The following TFCP2 variants were observed in gnomAD, a reference collection of about 807,000 sequenced individuals.
TFCP2 encodes the protein alpha-globin transcription factor CP2.
A neutral mutation model predicts 73.4 loss-of-function variants in TFCP2; 33 were observed. That is an observed-to-expected ratio of 0.45 (90% CI 0.34 to 0.60). The LOEUF is 0.60. TFCP2 is among the 20% of genes least tolerant of loss of function. The pLI is 0.01. For synonymous variants in TFCP2, 193 were observed against 211.6 expected (o/e 0.91, Z 0.76); for missense variants, 352 against 604.0 (o/e 0.58, Z 4.37).
rs1482070462 is a variant in TFCP2, at chr12:51,094,065, G to A, written c.*1176C>T. 6.6e-6 allele frequency: 1 copy of A among 152,076 alleles called. No homozygotes were observed. The highest frequency in any genetic ancestry group is 2.4e-5 in the African/African-American group (1 of 41,414). The allele number at this position is 152,076 out of a possible 1,614,324, so 9.4% of individuals were successfully genotyped here. On this transcript the variant is annotated 3_prime_UTR_variant, in exon 15 of 15. Coordinates refer to ENST00000257915, the MANE Select transcript of TFCP2 (RefSeq NM_005653.5). ...GTAAGAGTGTGAACAGGAAGGGAAT[G>A]CATCTTTTTTTGTAAAGCTTCTATT...
Position 51,095,175 on chromosome 12 carries a change from C to T in TFCP2, c.*66G>A. 1 of 1,536,180 alleles carries T rather than the reference C, an allele frequency of 6.5e-7. No homozygotes were observed. Among genetic ancestry groups the T allele is most frequent in the South Asian group, 1.1e-5 (1 of 89,596 alleles). ...GACCTTCAAATCTCCATTCATATCC[C>T]CCTTCAAGAGGGCCGTTTTCAGAGG... On this transcript the variant is annotated 3_prime_UTR_variant, in exon 15 of 15. Coordinates refer to ENST00000257915, the MANE Select transcript of TFCP2 (RefSeq NM_005653.5).
intron 1 of TFCP2, among the ~76,000 whole-genome samples, chr12:51,167,107 T>C (rs1026535840): frequency 6.6e-6 from 1 of 152,206 alleles, no homozygotes; most frequent in African/African-American, 2.4e-5. Flanking sequence ...CCTTCACTTA[T>C]CATGTATTCA....
intron 1 of TFCP2, among the ~76,000 whole-genome samples, chr12:51,128,602 G>A (rs747179103): frequency 1.3e-5 from 2 of 152,012 alleles, no homozygotes; most frequent in African/African-American, 4.8e-5. Context: ...TATAGTATCT[G>A]GATTTCAGCA....
intron 4 of TFCP2, among the ~76,000 whole-genome samples, chr12:51,112,536 A>C (rs1357987873): frequency 4.6e-5 from 7 of 152,228 alleles, no homozygotes; most frequent in Non-Finnish European, 1.0e-4. Flanking sequence ...GGTAGAAAGC[A>C]TTATATCATG....
At chr12:51,127,942 C>T (rs1007448626) in intron 1 of TFCP2, among the ~76,000 whole-genome samples, 11 of 145,144 alleles carry the variant, frequency 7.6e-5, no homozygotes, top group Admixed American at 1.4e-4. Context: ...TTTTTTGAGA[C>T]GGAGTTTCAC....
chr12:51,159,949 ATT>A (rs1322542409), intron 1 of TFCP2, among the ~76,000 whole-genome samples: 3 of 152,086 alleles, frequency 2.0e-5, no homozygotes. Context: ...ATTAACCAAA[ATT>A]TACCATCCAG....
intron 1 of TFCP2, among the ~76,000 whole-genome samples, chr12:51,135,434 C>CA (rs201840147): frequency 0.07 from 2,157 of 30,662 alleles, 50 homozygotes; most frequent in African/African-American, 0.11. Flanking sequence ...CACACACACA[C>CA]ACAAAAAAAA....
chr12:51,155,513 G>A (rs1941518694), intron 1 of TFCP2, among the ~76,000 whole-genome samples: 2 of 152,226 alleles, frequency 1.3e-5, no homozygotes, highest in Admixed American at 6.5e-5. Flanking sequence ...ACAGTGTACA[G>A]TGGTTCCAAT....
At chr12:51,165,267 C>A (rs1941732899) in intron 1 of TFCP2, among the ~76,000 whole-genome samples, 1 of 152,006 alleles carries the variant, frequency 6.6e-6, no homozygotes, top group South Asian at 2.1e-4. Context: ...AAGAAAATAA[C>A]AGCAAACTGC....
intron 1 of TFCP2, among the ~76,000 whole-genome samples, chr12:51,151,237 A>C (rs928455457): frequency 1.3e-5 from 2 of 152,208 alleles, no homozygotes; most frequent in South Asian, 4.1e-4. Context: ...AGCAGACCAT[A>C]TGGATCCTTG....
At chr12:51,142,736 G>A (rs565866218) in intron 1 of TFCP2, among the ~76,000 whole-genome samples, 1 of 152,082 alleles carries the variant, frequency 6.6e-6, no homozygotes, top group Non-Finnish European at 1.5e-5. Flanking sequence ...TTCAACTACT[G>A]CTATACTTCT....
chr12:51,148,435 G>A (rs1307236767), intron 1 of TFCP2, among the ~76,000 whole-genome samples: 1 of 152,220 alleles, frequency 6.6e-6, no homozygotes, highest in East Asian at 1.9e-4. Flanking sequence ...GGGCGTGGTG[G>A]CCCACACCTG....
In TFCP2 at chr12:51,099,701, T is replaced by C; in HGVS notation, c.1230A>G (p.Gln410=). Residue 410 remains glutamine (Q), a synonymous_variant, in exon 12 of 15, where the codon CAA becomes CAG. Coordinates refer to ENST00000257915, the MANE Select transcript of TFCP2 (RefSeq NM_005653.5). ...QLREQQQQQQ[Q]QQQKHEDGDS... is the part of the protein sequence containing the mutation. Reference sequence around the variant, plus strand: ...CTCCATCCTCATGCTTCTGCTGCTGTTGCTGCTGCTGTTGTTGCTGCTCCC... The same window carrying C: ...CTCCATCCTCATGCTTCTGCTGCTGCTGCTGCTGCTGTTGTTGCTGCTCCC... The C allele has an allele frequency of 1.9e-6, 3 of 1,614,198 alleles. No individual in the cohort carries two copies. Among genetic ancestry groups the C allele is most frequent in the Non-Finnish European group, 1.7e-6 (2 of 1,180,026 alleles).
chr12:51,153,248 C>T (rs541676073), intron 1 of TFCP2, among the ~76,000 whole-genome samples: 1 of 152,160 alleles, frequency 6.6e-6, no homozygotes, highest in South Asian at 2.1e-4. Flanking sequence ...TGGTGGTGCA[C>T]ACCTGTAGTC....
At chr12:51,157,889 G>A (rs915599401) in intron 1 of TFCP2, among the ~76,000 whole-genome samples, 10 of 151,872 alleles carry the variant, frequency 6.6e-5, no homozygotes, top group East Asian at 3.9e-4. Context: ...TGTTGGCCAC[G>A]CTGGTCTCGA....
chr12:51,099,841 G>A lies in TFCP2; in HGVS notation c.1152-62C>T. 14 of 1,574,922 alleles carry A rather than the reference G, an allele frequency of 8.9e-6. No individual in the cohort carries two copies. In the South Asian group the frequency reaches 1.6e-4, roughly 18 times the overall value. On this transcript the variant is annotated intron_variant, in intron 11 of 14. Coordinates refer to ENST00000257915, the MANE Select transcript of TFCP2 (RefSeq NM_005653.5). Reference sequence around the variant, plus strand: ...TTTATGGTAAGCACAATAAAAAGAAGGGAGAAATTGTGTTTCTACATTAAT... The same window carrying A: ...TTTATGGTAAGCACAATAAAAAGAAAGGAGAAATTGTGTTTCTACATTAAT...
At chr12:51,099,120 C>T (rs766549725) in intron 12 of TFCP2, among the ~76,000 whole-genome samples, 9 of 152,000 alleles carry the variant, frequency 5.9e-5, no homozygotes, top group Non-Finnish European at 1.2e-4. Flanking sequence ...GCATAAATAC[C>T]GGAGATAACA....
chr12:51,117,474 A>G (rs771935668), intron 3 of TFCP2, among the ~76,000 whole-genome samples, 197 bp downstream of exon 3: 4 of 152,196 alleles, frequency 2.6e-5, no homozygotes, highest in Non-Finnish European at 4.4e-5. Flanking sequence ...GCTCTGAAAA[A>G]TTCATGTGAA....
At position 51,118,670 on chromosome 12, in the gene TFCP2, G is replaced by A; in HGVS notation, c.225C>T (p.Thr75=). Residue 75 remains threonine (T), a synonymous_variant, in exon 2 of 15, where the codon ACC becomes ACT. Transcript: ENST00000257915. ...CATCATGGAGTTTCACTGCTGGAGA[G>A]GTAGCAGCACAAAGCACATATTGAA... ...LPFQYVLCAA[T]SPAVKLHDET... 3.7e-6 allele frequency: 6 copies of A among 1,614,146 alleles called. No homozygotes were observed. In the South Asian group the frequency reaches 4.4e-5, roughly 12 times the overall value.
Sources: gnomAD v4.1 joint callset for allele counts (sites outside exome capture counted in the v4.1 genomes callset) on GRCh38, gnomAD v4.1.1 for gene constraint, MANE v1.5 for transcripts, NCBI Gene and HGNC (gene_info 2026-07-23, HGNC 2026-07-21) for gene names.